The following TMEM232 variants were observed in gnomAD, a reference collection of about 807,000 sequenced individuals.
TMEM232 encodes the protein transmembrane protein 232.
In TMEM232, 80 loss-of-function variants were observed where a neutral mutation model predicts 78.8. The observed-to-expected ratio is 1.01, with a 90% CI of 0.85 to 1.22. The LOEUF (loss-of-function observed/expected upper bound fraction) is 1.22. Among genes scored for constraint, TMEM232 ranks in the 50% most tolerant of loss-of-function variants. The pLI is 0.00. For synonymous variants in TMEM232, 297 were observed against 254.3 expected, an observed-to-expected ratio of 1.17 and a Z score of -1.60; for missense variants, 881 against 742.2, an observed-to-expected ratio of 1.19 and a Z score of -2.17.
In TMEM232 at chr5:110,420,634, TTTCTC is replaced by T. The variant is rs2112606254; in HGVS notation, c.1915_1919del (p.Glu639ThrfsTer3). 6.6e-7 allele frequency: 1 copy of T among 1,523,248 alleles called. No homozygotes were observed. The highest frequency in any genetic ancestry group is 2.5e-5 in the East Asian group (1 of 40,234). The allele number at this position is 1,523,248 out of a possible 1,614,324, so 94.4% of individuals were successfully genotyped here. A position where few individuals can be genotyped will look rare whatever the true frequency, so the allele number is the denominator to read the frequency against. On this transcript the variant is annotated frameshift_variant, in exon 14 of 14. Coordinates refer to ENST00000455884, the MANE Select transcript of TMEM232 (RefSeq NM_001039763.4). LOFTEE classifies it high-confidence loss of function. ...CATAGGGCTTGGTTTGCTTATGTAG[TTTCTC>T]TTCTCTTTTCTTCATAACTTCTTGA...
chr5:110,606,384 G>T, intron 8 of TMEM232, 97 bp from the exon 9 acceptor site: 1 of 1,162,236 alleles, frequency 8.6e-7, no homozygotes, highest in Non-Finnish European at 1.2e-6. Context: ...CAGAGGAAAT[G>T]CATGTCTGCA....
At chr5:110,558,240 T>C (rs914833660) in intron 11 of TMEM232, among the ~76,000 whole-genome samples, 1 of 152,060 alleles carries the variant, frequency 6.6e-6, no homozygotes. Flanking sequence ...AAGTGCTTCA[T>C]TGGGGTGGTA....
chr5:110,542,186 CA>C (rs1392300581), intron 11 of TMEM232, among the ~76,000 whole-genome samples: 1 of 152,108 alleles, frequency 6.6e-6, no homozygotes, highest in Non-Finnish European at 1.5e-5. Context: ...AAATGCCCAC[CA>C]ACTTTCCTTG....
intron 10 of TMEM232, among the ~76,000 whole-genome samples, chr5:110,597,257 T>C (rs1359951241): frequency 6.6e-6 from 1 of 152,186 alleles, no homozygotes; most frequent in African/African-American, 2.4e-5. Context: ...TGAACTCCCA[T>C]TCACGATTGC....
intron 1 of TMEM232, among the ~76,000 whole-genome samples, chr5:110,693,241 G>A (rs1160922520): frequency 6.6e-6 from 1 of 152,204 alleles, no homozygotes; most frequent in East Asian, 1.9e-4. Context: ...GCAGCTGAGG[G>A]TACTGACTGT....
chr5:110,616,397 G>A (rs4957905), intron 8 of TMEM232, among the ~76,000 whole-genome samples: 59,256 of 151,686 alleles, frequency 0.39, 16,023 homozygotes, highest in African/African-American at 0.77. Context: ...CTCTCACACT[G>A]TATAGAAAAG....
At chr5:110,488,259 T>A (rs943907369) in intron 12 of TMEM232, among the ~76,000 whole-genome samples, 5 of 152,090 alleles carry the variant, frequency 3.3e-5, no homozygotes, top group African/African-American at 4.8e-5. Context: ...TCTTGGTTAA[T>A]CTTGCTAGTG....
chr5:110,591,627 G>T (rs555885508), intron 10 of TMEM232, among the ~76,000 whole-genome samples: 16 of 152,096 alleles, frequency 1.1e-4, no homozygotes, highest in South Asian at 2.1e-4. Context: ...CTCACCCAAA[G>T]TCCTATCCCA....
At chr5:110,467,702 G>C (rs530577595) in intron 12 of TMEM232, among the ~76,000 whole-genome samples, 6 of 152,170 alleles carry the variant, frequency 3.9e-5, no homozygotes, top group African/African-American at 1.4e-4. Flanking sequence ...AGTTTGCTAG[G>C]ACTGCCATTA....
intron 1 of TMEM232, among the ~76,000 whole-genome samples, chr5:110,692,969 C>A (rs1377352937): frequency 1.3e-5 from 2 of 152,188 alleles, no homozygotes; most frequent in Non-Finnish European, 2.9e-5. Flanking sequence ...GTTCTCCCAG[C>A]ACGCAGTTCG....
intron 12 of TMEM232, among the ~76,000 whole-genome samples, chr5:110,452,426 T>C (rs914559882): frequency 1.3e-5 from 2 of 152,182 alleles, no homozygotes; most frequent in African/African-American, 4.8e-5. Context: ...GGATTGATTT[T>C]GTAGCATGTG....
chr5:110,581,828 C>A (rs949741285), intron 10 of TMEM232, among the ~76,000 whole-genome samples: 1 of 151,496 alleles, frequency 6.6e-6, no homozygotes, highest in Non-Finnish European at 1.5e-5. Flanking sequence ...CCAAACAACT[C>A]CATTAAAAAA....
chr5:110,392,066 T>G (rs181980298), intron 3 of TMEM232, among the ~76,000 whole-genome samples: 1 of 152,230 alleles, frequency 6.6e-6, no homozygotes, highest in Admixed American at 6.5e-5. Flanking sequence ...ATTTCCACTC[T>G]TCTAGACTAT....
intron 2 of TMEM232, among the ~76,000 whole-genome samples, chr5:110,665,891 C>CAAA (rs775392111): frequency 5.4e-3 from 344 of 63,222 alleles, no homozygotes; most frequent in Middle Eastern, 0.011. Flanking sequence ...CCCATCTCCA[C>CAAA]AAAAAAAAAA....
chr5:110,579,299 A>T (rs887113857), intron 10 of TMEM232, among the ~76,000 whole-genome samples: 4 of 151,710 alleles, frequency 2.6e-5, no homozygotes, highest in African/African-American at 9.7e-5. Flanking sequence ...GACAAACAAA[A>T]GTTGAGGGAA....
chr5:110,684,013 A>C (rs146155719), intron 1 of TMEM232, among the ~76,000 whole-genome samples: 216 of 152,120 alleles, frequency 1.4e-3, no homozygotes, highest in African/African-American at 5.1e-3. Flanking sequence ...GTTTCCATTC[A>C]TGATTCTAAA....
chr5:110,624,302 G>GT (rs1358718033), intron 7 of TMEM232, among the ~76,000 whole-genome samples: 22 of 151,022 alleles, frequency 1.5e-4, no homozygotes, highest in Middle Eastern at 3.4e-3. Context: ...GCACATGCTG[G>GT]TTTTTTTTTC....
chr5:110,492,717 A>C (rs1765246229), intron 12 of TMEM232, among the ~76,000 whole-genome samples: 1 of 152,154 alleles, frequency 6.6e-6, no homozygotes, highest in East Asian at 1.9e-4. Flanking sequence ...ACACATTCTC[A>C]TTAGTCACAA....
At chr5:110,392,665 C>A (rs561363753) in intron 3 of TMEM232, among the ~76,000 whole-genome samples, 1 of 152,140 alleles carries the variant, frequency 6.6e-6, no homozygotes, top group Non-Finnish European at 1.5e-5. Context: ...ATATTAATGA[C>A]ATCATGAGGG....
Sources: gnomAD v4.1 joint callset for allele counts (sites outside exome capture counted in the v4.1 genomes callset) on GRCh38, gnomAD v4.1.1 for gene constraint, MANE v1.5 for transcripts, NCBI Gene and HGNC (gene_info 2026-07-23, HGNC 2026-07-21) for gene names.